CSMD1: variants seen among roughly 807,000 people sequenced by gnomAD.
The protein encoded by CSMD1 is CUB and Sushi multiple domains 1.
A neutral mutation model predicts 417.5 loss-of-function variants in CSMD1; 213 were observed. The ratio of observed to expected loss-of-function variants is 0.51; its 90% CI spans 0.46 to 0.57. CSMD1 has a LOEUF of 0.57. CSMD1 is among the 20% of genes least tolerant of loss of function. The pLI, the probability that CSMD1 is intolerant of heterozygous loss-of-function variation, is 0.00. For missense variants in CSMD1, 6,923 were observed against 4,529.7 expected, an observed-to-expected ratio of 1.53 and a Z score of -15.17; for synonymous variants, 2,862 against 1,736.8, an observed-to-expected ratio of 1.65 and a Z score of -16.11.
In CSMD1 at chr8:3,399,447, A is replaced by G. The variant is rs774799895; in HGVS notation, c.2349T>C (p.His783=). 1.1e-5 allele frequency: 18 copies of G among 1,610,434 alleles called. 1 individual carries two copies. Among genetic ancestry groups the G allele is most frequent in the Non-Finnish European group, 1.4e-5 (16 of 1,178,434 alleles). Residue 783 remains histidine, a synonymous_variant, in exon 16 of 70, where the codon CAT becomes CAC. Transcript: ENST00000635120. ...GTTTTGCTTCAATTATCCATTCACA[A>G]TGTAAAGAATCCTTATAATATCCTG... The part of the protein sequence containing the change: ...GWPGYYKDSL[H]CEWIIEAKPG...
chr8:4,156,433 A>G (rs947577489), intron 3 of CSMD1, among the ~76,000 whole-genome samples: 5 of 152,178 alleles, frequency 3.3e-5, no homozygotes, highest in Non-Finnish European at 7.3e-5. Context: ...CTTGAGAAAG[A>G]AAGGATAAAT....
chr8:3,607,536 C>A (rs908125432), intron 8 of CSMD1, among the ~76,000 whole-genome samples: 1 of 152,180 alleles, frequency 6.6e-6, no homozygotes, highest in South Asian at 2.1e-4. Flanking sequence ...ATCAAGACTG[C>A]CGCAAACATG....
At chr8:3,522,106 T>C (rs1361996701) in intron 10 of CSMD1, among the ~76,000 whole-genome samples, 1 of 152,254 alleles carries the variant, frequency 6.6e-6, no homozygotes, top group Non-Finnish European at 1.5e-5. Flanking sequence ...TAACTTTTTT[T>C]AACCCTCAAT....
intron 1 of CSMD1, among the ~76,000 whole-genome samples, chr8:4,896,902 G>T (rs1224245387): frequency 6.6e-6 from 1 of 151,810 alleles, no homozygotes; most frequent in African/African-American, 2.4e-5. Flanking sequence ...CAGTATCTTG[G>T]GCTCCTTTAT....
At chr8:3,911,884 C>T (rs1808488692) in intron 5 of CSMD1, among the ~76,000 whole-genome samples, 1 of 152,210 alleles carries the variant, frequency 6.6e-6, no homozygotes, top group African/African-American at 2.4e-5. Context: ...CTTCTTACCT[C>T]CGTTATCTTT....
At chr8:4,875,723 A>C (rs1358993934) in intron 1 of CSMD1, among the ~76,000 whole-genome samples, 2 of 152,146 alleles carry the variant, frequency 1.3e-5, no homozygotes, top group Non-Finnish European at 2.9e-5. Flanking sequence ...AAATACTAAC[A>C]AATATGTATA....
intron 10 of CSMD1, among the ~76,000 whole-genome samples, chr8:3,571,139 A>T (rs1478498452): frequency 1.3e-5 from 2 of 152,112 alleles, no homozygotes; most frequent in African/African-American, 4.8e-5. Context: ...GCTGAGGCAA[A>T]ATTTACCTCC....
chr8:4,635,898 A>G (rs1197175690), intron 2 of CSMD1, among the ~76,000 whole-genome samples: 3 of 152,112 alleles, frequency 2.0e-5, no homozygotes, highest in Non-Finnish European at 4.4e-5. Context: ...ACTATGTATG[A>G]AAGGTAAACA....
At chr8:3,620,368 T>C (rs947081649) in intron 7 of CSMD1, among the ~76,000 whole-genome samples, 3 of 152,010 alleles carry the variant, frequency 2.0e-5, no homozygotes, top group East Asian at 3.9e-4. Context: ...GGTAAATACA[T>C]GAAAATATAT....
chr8:4,539,482 A>C (rs1585222949), intron 2 of CSMD1, among the ~76,000 whole-genome samples: 1 of 152,322 alleles, frequency 6.6e-6, no homozygotes, highest in East Asian at 1.9e-4. Context: ...AAATATAAGC[A>C]AATATCTTTC....
At chr8:4,737,283 G>C (rs989350929) in intron 1 of CSMD1, among the ~76,000 whole-genome samples, 1 of 151,996 alleles carries the variant, frequency 6.6e-6, no homozygotes, top group African/African-American at 2.4e-5. Flanking sequence ...GGAGCTAACT[G>C]ATAAGAACAC....
At chr8:4,282,463 C>T (rs1434022632) in intron 3 of CSMD1, among the ~76,000 whole-genome samples, 3 of 152,126 alleles carry the variant, frequency 2.0e-5, no homozygotes, top group Middle Eastern at 3.2e-3. Context: ...CGGAATGGTG[C>T]CATTTTTGCT....
chr8:4,891,555 T>G (rs149990373), intron 1 of CSMD1, among the ~76,000 whole-genome samples: 1 of 152,134 alleles, frequency 6.6e-6, no homozygotes, highest in Non-Finnish European at 1.5e-5. Context: ...GCCTTGAAAT[T>G]CCTAGCATCT....
At chr8:3,794,338 T>C (rs1354917345) in intron 5 of CSMD1, among the ~76,000 whole-genome samples, 1 of 152,196 alleles carries the variant, frequency 6.6e-6, no homozygotes, top group East Asian at 1.9e-4. Context: ...TTAAGCTGAG[T>C]AAACATATGT....
At chr8:3,589,144 T>C (rs1800732533) in intron 8 of CSMD1, among the ~76,000 whole-genome samples, 1 of 152,138 alleles carries the variant, frequency 6.6e-6, no homozygotes, top group Admixed American at 6.5e-5. Context: ...ATGTAAAATA[T>C]GTAAATTAGC....
At chr8:3,392,068 G>C (rs1201325191) in intron 17 of CSMD1, among the ~76,000 whole-genome samples, 1 of 141,002 alleles carries the variant, frequency 7.1e-6, no homozygotes, top group Non-Finnish European at 1.5e-5. Flanking sequence ...AGAACAAATG[G>C]ATCCAGGAAG....
At chr8:4,222,373 GAAGCTTCCATCTTATTCTGTAAACAGAAT>G (rs1563297184) in intron 3 of CSMD1, among the ~76,000 whole-genome samples, 1 of 498 alleles carries the variant, frequency 2.0e-3, no homozygotes, top group Non-Finnish European at 5.9e-3. Flanking sequence ...AACAGAATAA[GAAGCTTCCATCTTATTCTGTAAACAGAAT>G]AAGAAGCTTC....
chr8:4,061,335 T>C (rs1274171158), intron 3 of CSMD1, among the ~76,000 whole-genome samples: 1 of 152,100 alleles, frequency 6.6e-6, no homozygotes, highest in Non-Finnish European at 1.5e-5. Context: ...CACTAAAAAT[T>C]CAGAGACAAA....
intron 3 of CSMD1, among the ~76,000 whole-genome samples, chr8:4,188,726 T>C (rs1368729967): frequency 6.6e-6 from 1 of 151,994 alleles, no homozygotes; most frequent in African/African-American, 2.4e-5. Context: ...TAATAAACAA[T>C]TTTTGAGTAA....
Sources: allele counts gnomAD v4.1 joint callset (sites outside exome capture counted in the v4.1 genomes callset), GRCh38; gene constraint gnomAD v4.1.1; transcripts MANE v1.5; gene names NCBI Gene and HGNC (gene_info 2026-07-23, HGNC 2026-07-21).